ESYT2: variants seen among roughly 807,000 people sequenced by gnomAD.
ESYT2 encodes the protein extended synaptotagmin-2.
In ESYT2, 54 loss-of-function variants were observed where a neutral mutation model predicts 107.2. That is an observed-to-expected ratio of 0.50 (90% confidence interval 0.40 to 0.63). The LOEUF (loss-of-function observed/expected upper bound fraction) is 0.63. Among genes scored for constraint, ESYT2 ranks in the 30% least tolerant of loss-of-function variants. The probability of loss-of-function intolerance (pLI) is 0.00; values close to 1 mark genes in which losing one functional copy is unlikely to be tolerated. For missense variants in ESYT2, 1,020 were observed against 1,094.5 expected (o/e 0.93, Z 0.96); for synonymous variants, 491 against 434.1 (o/e 1.13, Z -1.63).
chr7:158,747,820 TA>T (rs1470594483), intron 16 of ESYT2, among the ~76,000 whole-genome samples: 1 of 152,180 alleles, frequency 6.6e-6, no homozygotes, highest in Non-Finnish European at 1.5e-5. Flanking sequence ...TACTCACAGG[TA>T]AATGGATGAG....
In ESYT2 at chr7:158,771,530, G is replaced by C. The variant is rs185248698; in HGVS notation, c.803+1811C>G. 2.7e-3 allele frequency among the ~76,000 whole-genome samples: 411 copies of C among 152,324 alleles called. 3 individuals carry two copies. Among genetic ancestry groups the C allele is most frequent in the Non-Finnish European group, 4.7e-3 (321 of 68,032 alleles). ...CACACAAGTTGGGCGGGGACCTAGC[G>C]GGAAAGGCGACTAAGTCCGCAGACT... On this transcript the variant is annotated intron_variant, in intron 7 of 22. Transcript: ENST00000275418.
intron 21 of ESYT2, among the ~76,000 whole-genome samples, chr7:158,734,742 C>T (rs780275743): frequency 9.2e-5 from 14 of 152,240 alleles, no homozygotes; most frequent in African/African-American, 2.2e-4. Flanking sequence ...GAGCCATGAT[C>T]GCGCCACTGG....
chr7:158,746,653 T>C (rs1563622393), intron 16 of ESYT2, among the ~76,000 whole-genome samples: 1 of 152,200 alleles, frequency 6.6e-6, no homozygotes. Context: ...TCTGGAAAGT[T>C]GCTAAGCTAA....
intron 16 of ESYT2, among the ~76,000 whole-genome samples, chr7:158,745,240 AGGTCTCCT>A (rs1244334625): frequency 1.2e-5 from 1 of 80,820 alleles, no homozygotes; most frequent in Non-Finnish European, 3.4e-5. Flanking sequence ...CGGCATGACC[AGGTCTCCT>A]AGGCCCGGCT....
At chr7:158,795,271 C>T (rs1839424303) in intron 3 of ESYT2, among the ~76,000 whole-genome samples, 1 of 152,206 alleles carries the variant, frequency 6.6e-6, no homozygotes, top group African/African-American at 2.4e-5. Context: ...GATGAAAATG[C>T]CAAAGCTATC....
intron 16 of ESYT2, among the ~76,000 whole-genome samples, chr7:158,745,821 C>A (rs1837383393): frequency 6.6e-6 from 1 of 152,086 alleles, no homozygotes; most frequent in Admixed American, 6.5e-5. Context: ...AACGACAAGT[C>A]AAAATTTGTG....
At chr7:158,818,932 G>A (rs946581779) in intron 1 of ESYT2, among the ~76,000 whole-genome samples, 3 of 152,192 alleles carry the variant, frequency 2.0e-5, no homozygotes, top group Admixed American at 1.3e-4. Flanking sequence ...AGCCCCACTC[G>A]CACGGGCCCT....
Position 158,809,332 on chromosome 7 carries a change from T to C in ESYT2, c.331-10260A>G, listed in dbSNP as rs539185300. ...CTCTACTAAAAATACAAAAAGTAGC[T>C]GGGCGTGGTGGCGTGCATCTGTAGT... On this transcript the variant is annotated intron_variant, in intron 1 of 22. Coordinates refer to ENST00000275418, the MANE Select transcript of ESYT2 (RefSeq NM_001367773.1). Among the ~76,000 whole-genome samples, 10 of 151,446 alleles carry C rather than the reference T, an allele frequency of 6.6e-5. No individual in the cohort carries two copies. In the South Asian group the frequency reaches 1.0e-3, roughly 16 times the overall value.
At chr7:158,826,024 A>G (rs1433617546) in intron 1 of ESYT2, among the ~76,000 whole-genome samples, 1 of 151,202 alleles carries the variant, frequency 6.6e-6, no homozygotes. Flanking sequence ...ATCTCTAGAA[A>G]AAAAAAAAAA....
intron 6 of ESYT2, among the ~76,000 whole-genome samples, chr7:158,784,647 C>G (rs1339330642): frequency 6.6e-6 from 1 of 152,230 alleles, no homozygotes; most frequent in Non-Finnish European, 1.5e-5. Context: ...CTGCAGTCCC[C>G]TGTACACGTC....
At chr7:158,825,494 A>G (rs563733718) in intron 1 of ESYT2, among the ~76,000 whole-genome samples, 29 of 152,312 alleles carry the variant, frequency 1.9e-4, no homozygotes, top group Admixed American at 1.7e-3. Context: ...AAGAATAACA[A>G]CACTGTTTAT....
Position 158,767,782 on chromosome 7 carries a change from T to G in ESYT2, c.804-8A>C, listed in dbSNP as rs1419822931. The G allele has an allele frequency of 6.2e-7, 1 of 1,606,410 alleles. No individual in the cohort carries two copies. The highest frequency in any genetic ancestry group is 1.1e-5 in the South Asian group (1 of 90,108). On this transcript the variant is annotated splice_polypyrimidine_tract_variant and splice_region_variant and intron_variant, in intron 7 of 22. Coordinates refer to ENST00000275418, the MANE Select transcript of ESYT2 (RefSeq NM_001367773.1). ...ATAGTATCTGATAAACCACTGTTAG[T>G]TGGGAGACAAAAAGAGCAAACGGAC...
chr7:158,824,791 T>G lies in ESYT2; in HGVS notation c.330+4298A>C, dbSNP rs534869167. On this transcript the variant is annotated intron_variant, in intron 1 of 22. Transcript: ENST00000275418. ...GACTTTATCCTATGAAGAGATAATA[T>G]TTTCAAATAAATAAAAATAGTAATG... 2.2e-4 allele frequency among the ~76,000 whole-genome samples: 34 copies of G among 152,322 alleles called. 2 individuals are homozygous for G. The South Asian group carries it at 6.8e-3, about 31-fold the overall frequency.
At chr7:158,820,667 C>G (rs1840263314) in intron 1 of ESYT2, among the ~76,000 whole-genome samples, 1 of 152,100 alleles carries the variant, frequency 6.6e-6, no homozygotes, top group Admixed American at 6.6e-5. Flanking sequence ...ATGCCTGTAG[C>G]CCAAGCTACT....
chr7:158,770,016 C>T (rs1838298562), intron 7 of ESYT2, among the ~76,000 whole-genome samples: 5 of 151,936 alleles, frequency 3.3e-5, no homozygotes, highest in Admixed American at 3.3e-4. Flanking sequence ...CCTCCACCTC[C>T]CGAGTAGCTG....
At chr7:158,747,683 C>A (rs1323449851) in intron 16 of ESYT2, among the ~76,000 whole-genome samples, 4 of 152,174 alleles carry the variant, frequency 2.6e-5, no homozygotes, top group Non-Finnish European at 4.4e-5. Context: ...AACCTGGCAA[C>A]CTGCTCCTGG....
chr7:158,742,596 C>G (rs3750055), intron 17 of ESYT2, among the ~76,000 whole-genome samples: 36,137 of 152,094 alleles, frequency 0.24, 5,178 homozygotes, highest in East Asian at 0.59. Flanking sequence ...CCCCAACAAC[C>G]TGACATGAGT....
chr7:158,792,259 C>T (rs1286742578), intron 4 of ESYT2, among the ~76,000 whole-genome samples: 2 of 150,188 alleles, frequency 1.3e-5, no homozygotes, highest in Admixed American at 6.6e-5. Flanking sequence ...TGCAGTCGCT[C>T]ACGCCTGTGA....
chr7:158,734,046 G>T lies in ESYT2; in HGVS notation c.*161C>A. 1.2e-6 allele frequency: 1 copy of T among 843,058 alleles called. No individual in the cohort carries two copies. Among genetic ancestry groups the T allele is most frequent in the Non-Finnish European group, 1.8e-6 (1 of 555,024 alleles). 52.2% of individuals were successfully genotyped at this position (843,058 alleles called of 1,614,324 possible). On this transcript the variant is annotated 3_prime_UTR_variant, in exon 23 of 23. Transcript: ENST00000275418. ...ACACAGAAAATTCAATGATAATATT[G>T]GCCAAATTTGCCTGAAATGTCAACA...
Sources: gnomAD v4.1 joint callset for allele counts (sites outside exome capture counted in the v4.1 genomes callset) on GRCh38, gnomAD v4.1.1 for gene constraint, MANE v1.5 for transcripts, NCBI Gene and HGNC (gene_info 2026-07-23, HGNC 2026-07-21) for gene names.